The following GUCY1A2 variants were observed in gnomAD, a reference collection of about 807,000 sequenced individuals.
GUCY1A2 encodes the protein guanylate cyclase 1 soluble subunit alpha 2.
A neutral mutation model predicts 63.5 loss-of-function variants in GUCY1A2; 27 were observed. The observed-to-expected ratio is 0.43, with a 90% CI of 0.31 to 0.59. The LOEUF (loss-of-function observed/expected upper bound fraction) is 0.59, where lower values mean the gene tolerates loss of function less well. Among genes scored for constraint, GUCY1A2 ranks in the 20% least tolerant of loss-of-function variants. The probability of loss-of-function intolerance (pLI) is 0.11; values close to 1 mark genes in which losing one functional copy is unlikely to be tolerated. For missense variants in GUCY1A2, 768 were observed against 913.3 expected, an observed-to-expected ratio of 0.84 and a Z score of 2.05; for synonymous variants, 364 against 343.5, an observed-to-expected ratio of 1.06 and a Z score of -0.66.
At chr11:106,860,222 A>G (rs10890614) in intron 4 of GUCY1A2, among the ~76,000 whole-genome samples, 45,798 of 151,574 alleles carry the variant, frequency 0.3, 7,230 homozygotes, top group Non-Finnish European at 0.34. Context: ...GCTGTTTTCC[A>G]GAGTACCCAG....
intron 3 of GUCY1A2, among the ~76,000 whole-genome samples, chr11:106,944,519 A>C (rs1011990801): frequency 6.6e-6 from 1 of 152,134 alleles, no homozygotes; most frequent in African/African-American, 2.4e-5. Context: ...GAGAAAGAAG[A>C]TCACAAAAAA....
intron 6 of GUCY1A2, among the ~76,000 whole-genome samples, chr11:106,747,900 A>C (rs1325087990): frequency 6.6e-6 from 1 of 152,022 alleles, no homozygotes; most frequent in South Asian, 2.1e-4. Context: ...TTGTTCACTT[A>C]CTCTTTAAAC....
At chr11:106,900,011 G>A (rs916042268) in intron 4 of GUCY1A2, among the ~76,000 whole-genome samples, 5 of 151,402 alleles carry the variant, frequency 3.3e-5, no homozygotes, top group Admixed American at 6.6e-5. Context: ...GCGTGAACCC[G>A]GGAGGCAGAG....
intron 4 of GUCY1A2, among the ~76,000 whole-genome samples, chr11:106,903,769 T>C (rs1042275039): frequency 2.0e-5 from 3 of 152,306 alleles, no homozygotes; most frequent in Non-Finnish European, 2.9e-5. Context: ...TAATTTACCA[T>C]CAAGCCACAG....
chr11:107,006,114 G>A lies in GUCY1A2; in HGVS notation c.303+11639C>T, dbSNP rs540247753. Among the ~76,000 whole-genome samples the A allele has an allele frequency of 2.0e-5, 3 of 152,254 alleles. No homozygotes were observed. The East Asian group carries it at 5.8e-4, about 29-fold the overall frequency. On this transcript the variant is annotated intron_variant, in intron 1 of 7. Coordinates refer to ENST00000526355, the MANE Select transcript of GUCY1A2 (RefSeq NM_000855.3). ...AGAACAAACTGATCCTCAGAGAGGC[G>A]AATTTATCCAGTGATGCCCAAGATA...
Position 106,675,286 on chromosome 11 carries a change from T to A in GUCY1A2, c.*12263A>T, listed in dbSNP as rs1249252783. On this transcript the variant is annotated 3_prime_UTR_variant, in exon 8 of 8. Coordinates refer to ENST00000526355, the MANE Select transcript of GUCY1A2 (RefSeq NM_000855.3). ...CAGGAGGACTTTTTTTTTTTTTTTT[T>A]AAATAAAGAAAAACCTTTCCATCCA... 62 of 189,736 alleles carry A rather than the reference T, an allele frequency of 3.3e-4. No individual in the cohort carries two copies. The highest frequency in any genetic ancestry group is 3.1e-4 in the Admixed American group (5 of 15,916). The allele number at this position is 189,736 out of a possible 1,614,324, so 11.8% of individuals were successfully genotyped here.
Position 107,018,273 on chromosome 11 carries a change from G to C in GUCY1A2, c.-218C>G. ...GGGGCGCCGCCGCACCTTGGGGCCCGGGCTCGGCGGCGGCGCCGGGCTGGG... is the reference window on the plus strand; with the variant it reads ...GGGGCGCCGCCGCACCTTGGGGCCCCGGCTCGGCGGCGGCGCCGGGCTGGG... On this transcript the variant is annotated 5_prime_UTR_variant, in exon 1 of 8. Coordinates refer to ENST00000526355, the MANE Select transcript of GUCY1A2 (RefSeq NM_000855.3). The C allele has an allele frequency of 6.8e-6, 1 of 146,816 alleles. No homozygotes were observed. The highest frequency in any genetic ancestry group is 1.5e-5 in the Non-Finnish European group (1 of 66,466). The allele number at this position is 146,816 out of a possible 1,614,324, so 9.1% of individuals were successfully genotyped here. A position where few individuals can be genotyped will look rare whatever the true frequency, so the allele number is the denominator to read the frequency against.
chr11:106,905,324 T>C (rs981795860), intron 4 of GUCY1A2, among the ~76,000 whole-genome samples: 4 of 152,228 alleles, frequency 2.6e-5, no homozygotes, highest in Middle Eastern at 3.4e-3. Flanking sequence ...AATAATATCA[T>C]AGATTGGGTG....
At chr11:106,738,908 GT>G (rs1452196999) in intron 6 of GUCY1A2, among the ~76,000 whole-genome samples, 4 of 152,022 alleles carry the variant, frequency 2.6e-5, no homozygotes, top group Non-Finnish European at 4.4e-5. Context: ...ATTTAAAGTA[GT>G]TTTTTTCTAA....
At chr11:106,826,669 G>A (rs1005288263) in intron 4 of GUCY1A2, 1 of 1,608,898 alleles carries the variant, frequency 6.2e-7, no homozygotes, top group Non-Finnish European at 8.5e-7. Flanking sequence ...TGTCACATGA[G>A]CAAACAGTTC....
intron 4 of GUCY1A2, chr11:106,936,591 G>A: frequency 2.2e-6 from 2 of 904,080 alleles, no homozygotes; most frequent in South Asian, 1.6e-5. Context: ...AAAATGTAGA[G>A]GAAACCAAGT....
chr11:106,886,152 CT>C (rs1486268612), intron 4 of GUCY1A2, among the ~76,000 whole-genome samples: 1 of 152,146 alleles, frequency 6.6e-6, no homozygotes, highest in Non-Finnish European at 1.5e-5. Flanking sequence ...TTTATAGCCC[CT>C]CTTATAGCTA....
At chr11:106,707,888 C>T (rs1289913216) in intron 7 of GUCY1A2, among the ~76,000 whole-genome samples, 2 of 152,016 alleles carry the variant, frequency 1.3e-5, no homozygotes, top group Non-Finnish European at 2.9e-5. Flanking sequence ...ATCCCAAAGT[C>T]CAAAATGCTC....
intron 4 of GUCY1A2, among the ~76,000 whole-genome samples, chr11:106,906,183 C>T (rs1441382179): frequency 6.6e-6 from 1 of 152,084 alleles, no homozygotes; most frequent in Admixed American, 6.6e-5. Context: ...AAAATTTTTG[C>T]AATCTATCCA....
intron 4 of GUCY1A2, among the ~76,000 whole-genome samples, chr11:106,910,176 A>AG (rs1218948123): frequency 1.1e-4 from 16 of 152,026 alleles, no homozygotes; most frequent in Non-Finnish European, 2.2e-4. Flanking sequence ...AAAAATCTGT[A>AG]GGGCCATAGT....
chr11:106,967,792 G>C (rs1213709465), intron 3 of GUCY1A2, among the ~76,000 whole-genome samples: 1 of 135,032 alleles, frequency 7.4e-6, no homozygotes, highest in Non-Finnish European at 1.6e-5. Context: ...GGGAGGGAGG[G>C]AGGGATAAAT....
rs570602256 is a variant in GUCY1A2, at chr11:106,882,042, G to T, written c.1206+57418C>A. ...TTTCTCCACTGGAAATTTTCAAAAAGCGCTCTCATTCTCTTTCTTTTCTTT... is the reference window on the plus strand; with the variant it reads ...TTTCTCCACTGGAAATTTTCAAAAATCGCTCTCATTCTCTTTCTTTTCTTT... On this transcript the variant is annotated intron_variant, in intron 4 of 7. Coordinates refer to ENST00000526355, the MANE Select transcript of GUCY1A2 (RefSeq NM_000855.3). Among the ~76,000 whole-genome samples the T allele has an allele frequency of 3.3e-5, 5 of 151,910 alleles. No individual in the cohort carries two copies. The South Asian group carries it at 1.0e-3, about 32-fold the overall frequency.
chr11:106,963,847 T>C (rs1203908722), intron 3 of GUCY1A2, among the ~76,000 whole-genome samples: 1 of 152,196 alleles, frequency 6.6e-6, no homozygotes, highest in Non-Finnish European at 1.5e-5. Flanking sequence ...ACAAAGTTCC[T>C]TTGGACTTAT....
rs2135329325 is a variant in GUCY1A2, at chr11:106,683,519, G to A, written c.*4030C>T. Reference sequence around the variant, plus strand: ...TACTACACTTCAGAAGTACATTGTTGCTCAGGCCTGACTGTGTGTGGTCCT... The same window carrying A: ...TACTACACTTCAGAAGTACATTGTTACTCAGGCCTGACTGTGTGTGGTCCT... On this transcript the variant is annotated 3_prime_UTR_variant, in exon 8 of 8. Transcript: ENST00000526355. The A allele has an allele frequency of 4.4e-6, 1 of 228,472 alleles. No homozygotes were observed. Among genetic ancestry groups the A allele is most frequent in the East Asian group, 6.2e-5 (1 of 16,066 alleles). The allele number at this position is 228,472 out of a possible 1,614,324, so 14.2% of individuals were successfully genotyped here. A position where few individuals can be genotyped will look rare whatever the true frequency, so the allele number is the denominator to read the frequency against.
Sources: gnomAD v4.1 joint callset for allele counts (sites outside exome capture counted in the v4.1 genomes callset) on GRCh38, gnomAD v4.1.1 for gene constraint, MANE v1.5 for transcripts, NCBI Gene and HGNC (gene_info 2026-07-23, HGNC 2026-07-21) for gene names.